DCC: variants seen among roughly 807,000 people sequenced by gnomAD.
DCC encodes the protein netrin receptor DCC.
DCC carries 58 observed loss-of-function variants against 172.5 expected under a neutral mutation model. The observed-to-expected ratio is 0.34, with a 90% CI of 0.27 to 0.42. DCC has a LOEUF of 0.42. Among genes scored for constraint, DCC ranks in the 10% least tolerant of loss-of-function variants. The pLI, the probability that DCC is intolerant of heterozygous loss-of-function variation, is 1.00. For missense variants in DCC, 1,740 were observed against 1,791.0 expected (o/e 0.97, Z 0.51); for synonymous variants, 709 against 644.5 (o/e 1.10, Z -1.52).
intron 5 of DCC, among the ~76,000 whole-genome samples, chr18:53,013,053 T>C (rs1232203173): frequency 6.6e-6 from 1 of 152,228 alleles, no homozygotes; most frequent in South Asian, 2.1e-4. Flanking sequence ...ATGGCAATCA[T>C]TAAAAAGTCT....
intron 7 of DCC, among the ~76,000 whole-genome samples, chr18:53,120,157 A>T (rs1027340687): frequency 1.3e-5 from 2 of 151,822 alleles, no homozygotes; most frequent in African/African-American, 4.8e-5. Context: ...TAATTTTTAT[A>T]TGAGGTGTTT....
intron 1 of DCC, among the ~76,000 whole-genome samples, chr18:52,445,840 A>G (rs929365009): frequency 4.6e-5 from 7 of 152,218 alleles, no homozygotes; most frequent in African/African-American, 1.7e-4. Context: ...GGTAGCGTTC[A>G]CAGATAGTAA....
intron 2 of DCC, among the ~76,000 whole-genome samples, chr18:52,777,659 C>A (rs1477127203): frequency 6.6e-6 from 1 of 151,810 alleles, no homozygotes; most frequent in Non-Finnish European, 1.5e-5. Flanking sequence ...GCAGTGGATG[C>A]AAAATCAGGA....
Position 52,475,571 on chromosome 18 carries a change from G to A in DCC, c.91+134693G>A, listed in dbSNP as rs771539234. Among the ~76,000 whole-genome samples the A allele has an allele frequency of 3.9e-5, 6 of 152,038 alleles. No homozygotes were observed. In the South Asian group the frequency reaches 8.3e-4, roughly 21 times the overall value. ...GAGGGTTTTTATTTAAAGGCAAAGC[G>A]AGTTCTTCTCATCAGCATCTCCTTT... On this transcript the variant is annotated intron_variant, in intron 1 of 28. Coordinates refer to ENST00000442544, the MANE Select transcript of DCC (RefSeq NM_005215.4).
chr18:53,076,844 G>A (rs1356008855), intron 7 of DCC, among the ~76,000 whole-genome samples: 1 of 152,182 alleles, frequency 6.6e-6, no homozygotes, highest in Non-Finnish European at 1.5e-5. Flanking sequence ...GTTGCTAGGA[G>A]ATTGGGCATA....
At chr18:52,823,411 T>C (rs1344914191) in intron 2 of DCC, among the ~76,000 whole-genome samples, 1 of 152,234 alleles carries the variant, frequency 6.6e-6, no homozygotes, top group African/African-American at 2.4e-5. Context: ...ATATTAGAAA[T>C]ACATTTTTAA....
At chr18:53,429,263 G>GCCA (rs1319248002) in intron 21 of DCC, among the ~76,000 whole-genome samples, 2 of 146,548 alleles carry the variant, frequency 1.4e-5, no homozygotes, top group Admixed American at 7.1e-5. Flanking sequence ...TTTAGAAGAT[G>GCCA]GTCTCTGCAA....
intron 19 of DCC, among the ~76,000 whole-genome samples, chr18:53,406,411 A>AAAAAGAG (rs1555666684): frequency 6.6e-6 from 1 of 151,556 alleles, no homozygotes; most frequent in Non-Finnish European, 1.5e-5. Flanking sequence ...GTTTAAAAAA[A>AAAAAGAG]AAAGAGAAAG....
At chr18:52,707,984 G>A (rs1313348840) in intron 1 of DCC, among the ~76,000 whole-genome samples, 1 of 152,154 alleles carries the variant, frequency 6.6e-6, no homozygotes, top group Admixed American at 6.5e-5. Flanking sequence ...GTTGAAAATA[G>A]CTAAGAGGGT....
At chr18:53,395,563 G>A (rs909021115) in intron 17 of DCC, among the ~76,000 whole-genome samples, 3 of 152,122 alleles carry the variant, frequency 2.0e-5, no homozygotes, top group Admixed American at 2.0e-4. Flanking sequence ...ACCACTTTGT[G>A]TTTTATTTGA....
chr18:52,427,984 A>G lies in DCC; in HGVS notation c.91+87106A>G, dbSNP rs554389175. The stretch of plus-strand genomic sequence containing the variant: ...ACTCCACCAAAGTAGCTCTTGTTCA[A>G]CAAAGTCACGTCTCTAGGACCAAAT... On this transcript the variant is annotated intron_variant, in intron 1 of 28. Coordinates refer to ENST00000442544, the MANE Select transcript of DCC (RefSeq NM_005215.4). Among the ~76,000 whole-genome samples the G allele has an allele frequency of 5.1e-4, 78 of 152,074 alleles. 1 individual carries two copies. The Middle Eastern group carries it at 0.027, about 53-fold the overall frequency.
At chr18:53,452,283 C>A (rs766991381) in intron 23 of DCC, among the ~76,000 whole-genome samples, 76 of 152,172 alleles carry the variant, frequency 5.0e-4, no homozygotes, top group Admixed American at 8.5e-4. Context: ...AAAATGACAC[C>A]TGGCCTACCA....
chr18:53,040,108 G>T (rs1250152631), intron 5 of DCC, among the ~76,000 whole-genome samples: 1 of 151,932 alleles, frequency 6.6e-6, no homozygotes, highest in African/African-American at 2.4e-5. Flanking sequence ...GTGAAAAAAA[G>T]AAAAAGTCAA....
intron 28 of DCC, among the ~76,000 whole-genome samples, chr18:53,529,003 T>TTCTCTCTC (rs144580817): frequency 4.8e-4 from 49 of 101,064 alleles, no homozygotes; most frequent in Admixed American, 8.3e-4. Context: ...TCACTTCAAC[T>TTCTCTCTC]TCTCTCTCTC....
chr18:52,932,902 CA>C (rs1454691234), intron 5 of DCC, among the ~76,000 whole-genome samples: 1 of 151,964 alleles, frequency 6.6e-6, no homozygotes, highest in Non-Finnish European at 1.5e-5. Context: ...ATGATTATCT[CA>C]ACCATTAAAT....
intron 2 of DCC, among the ~76,000 whole-genome samples, chr18:52,785,930 A>G (rs2145195571): frequency 6.6e-6 from 1 of 152,162 alleles, no homozygotes; most frequent in African/African-American, 2.4e-5. Flanking sequence ...ATCCTTTCAT[A>G]CTTCCTTTTT....
chr18:52,576,058 G>T (rs1044510772), intron 1 of DCC, among the ~76,000 whole-genome samples: 3 of 152,130 alleles, frequency 2.0e-5, no homozygotes, highest in African/African-American at 7.2e-5. Context: ...TTAACAACTT[G>T]GTCTTTTGTG....
chr18:53,260,342 C>A (rs2056579868), intron 12 of DCC, among the ~76,000 whole-genome samples: 1 of 151,936 alleles, frequency 6.6e-6, no homozygotes, highest in South Asian at 2.1e-4. Context: ...TTTTATCTAC[C>A]TTTGGTCTTT....
At chr18:52,878,380 A>G (rs1200871854) in intron 2 of DCC, among the ~76,000 whole-genome samples, 1 of 152,198 alleles carries the variant, frequency 6.6e-6, no homozygotes, top group Non-Finnish European at 1.5e-5. Context: ...AACAGTTACT[A>G]ACAAGTTATC....
Sources: gnomAD v4.1 joint callset for allele counts (sites outside exome capture counted in the v4.1 genomes callset) on GRCh38, gnomAD v4.1.1 for gene constraint, MANE v1.5 for transcripts, NCBI Gene and HGNC (gene_info 2026-07-23, HGNC 2026-07-21) for gene names.